ADCY3: variants seen among roughly 807,000 people sequenced by gnomAD.
The protein encoded by ADCY3 is adenylate cyclase 3, also known as adenylate cyclase type 3.
A neutral mutation model predicts 119.4 loss-of-function variants in ADCY3; 70 were observed. That is an observed-to-expected ratio of 0.59 (90% CI 0.48 to 0.72). ADCY3 has a LOEUF of 0.72. Ranked by LOEUF, ADCY3 falls within the 30% of genes least tolerant of loss-of-function variation. The pLI is 0.00. For missense variants in ADCY3, 1,238 were observed against 1,541.6 expected (o/e 0.80, Z 3.30); for synonymous variants, 672 against 621.4 (o/e 1.08, Z -1.21).
intron 11 of ADCY3, among the ~76,000 whole-genome samples, chr2:24,833,748 C>A (rs1449609301): frequency 5.9e-5 from 9 of 152,216 alleles, no homozygotes; most frequent in Non-Finnish European, 1.2e-4. Context: ...TCACCACAGT[C>A]GTGAGTGTCC....
At chr2:24,903,589 G>A (rs1191512358) in intron 2 of ADCY3, among the ~76,000 whole-genome samples, 1 of 152,142 alleles carries the variant, frequency 6.6e-6, no homozygotes, top group Non-Finnish European at 1.5e-5. Flanking sequence ...GTGACATAAT[G>A]AGATAAAAAG....
In ADCY3 at chr2:24,820,817, G is replaced by A. The variant is rs907824331; in HGVS notation, c.3159C>T (p.Val1053=). ...CGTAGTGTGGTTTCCGGGCTCCGAT[G>A]ACCCCAGCCAGAACCCCGCCTTTGT... ...GMNKGGVLAG[V]IGARKPHYDI... The change falls in exon 21 of 22, where the codon GTC becomes GTT. Residue 1053 remains valine, a synonymous_variant. Coordinates refer to ENST00000679454, the MANE Select transcript of ADCY3 (RefSeq NM_004036.5). 2 of 1,614,080 alleles carry A rather than the reference G, an allele frequency of 1.2e-6. No individual in the cohort carries two copies. The highest frequency in any genetic ancestry group is 1.7e-6 in the Non-Finnish European group (2 of 1,180,010).
intron 3 of ADCY3, among the ~76,000 whole-genome samples, chr2:24,860,042 C>T (rs1001585488): frequency 4.6e-5 from 7 of 152,174 alleles, no homozygotes; most frequent in African/African-American, 1.4e-4. Flanking sequence ...ACACAGGACG[C>T]GTGTGAAGGA....
At chr2:24,865,318 G>C (rs960548503) in intron 3 of ADCY3, among the ~76,000 whole-genome samples, 3 of 152,118 alleles carry the variant, frequency 2.0e-5, no homozygotes, top group Non-Finnish European at 2.9e-5. Context: ...GGTGGTGCAT[G>C]CCTATAGTCC....
rs1664812585 is a variant in ADCY3 at position 24,919,102 on chromosome 2, C to T, written c.-115G>A. 8 of 1,185,686 alleles carry T rather than the reference C, an allele frequency of 6.7e-6. No individual in the cohort carries two copies. In the South Asian group the frequency reaches 1.3e-4, roughly 19 times the overall value. The allele number at this position is 1,185,686 out of a possible 1,614,324, so 73.4% of individuals were successfully genotyped here. On this transcript the variant is annotated 5_prime_UTR_variant, in exon 2 of 22. Coordinates refer to ENST00000679454, the MANE Select transcript of ADCY3 (RefSeq NM_004036.5). This position sits in a 1 kb window ranked among gnomAD's most constrained non-coding sequence, Gnocchi z 5.5. ...ACCGGGGGAGGGCTGAGGGCCTCTT[C>T]TTGTCTGGGGCGGAGGGGAGGCCAC...
chr2:24,821,019 T>A (rs1488948022), intron 20 of ADCY3, 171 bp from the exon 21 acceptor site: 14 of 943,588 alleles, frequency 1.5e-5, no homozygotes, highest in Non-Finnish European at 2.0e-5. Flanking sequence ...CTCCTGTTTA[T>A]CCGTGTGCTT....
chr2:24,881,251 C>CATCCG lies in ADCY3; in HGVS notation c.676-8533_676-8532insCGGAT, dbSNP rs144061085. On this transcript the variant is annotated intron_variant, in intron 2 of 21. Transcript: ENST00000679454. ...CCAAGCTGCAGCTTAGAGCCAAAGC[C>CATCCG]ATCCCAGCCCAGATCAGCCCCACCC... Among the ~76,000 whole-genome samples the CATCCG allele has an allele frequency of 5.2e-5, 5 of 95,888 alleles. No homozygotes were observed. The East Asian group carries it at 1.1e-3, about 20-fold the overall frequency. 62.9% of individuals were successfully genotyped at this position (95,888 alleles called of 152,430 possible). A position where few individuals can be genotyped will look rare whatever the true frequency, so the allele number is the denominator to read the frequency against.
At chr2:24,861,966 T>C (rs1385268747) in intron 3 of ADCY3, among the ~76,000 whole-genome samples, 2 of 152,194 alleles carry the variant, frequency 1.3e-5, no homozygotes, top group African/African-American at 4.8e-5. Flanking sequence ...TTTAATCCCA[T>C]TTTCAGAAAA....
intron 19 of ADCY3, 129 bp downstream of exon 19, chr2:24,822,382 G>A (rs906943821): frequency 5.6e-6 from 7 of 1,253,386 alleles, no homozygotes; most frequent in African/African-American, 3.0e-5. Context: ...TTATATTTAC[G>A]TGGTGCTGGT....
chr2:24,884,890 C>T (rs11686663), intron 2 of ADCY3, among the ~76,000 whole-genome samples: 75,013 of 152,004 alleles, frequency 0.49, 20,328 homozygotes, highest in African/African-American at 0.73. Context: ...CAAAGCTCCA[C>T]CCACGGCGGT....
chr2:24,843,098 C>T (rs181987836), intron 3 of ADCY3, among the ~76,000 whole-genome samples: 37 of 152,340 alleles, frequency 2.4e-4, no homozygotes, highest in African/African-American at 7.5e-4. Flanking sequence ...TGTACACAAA[C>T]GCACAGACAC....
rs1343246692 is a variant in ADCY3, at chr2:24,842,513, G to C, written c.826-129C>G. 1 of 1,234,930 alleles carries C rather than the reference G, an allele frequency of 8.1e-7. No homozygotes were observed. Among genetic ancestry groups the C allele is most frequent in the Non-Finnish European group, 1.1e-6 (1 of 889,642 alleles). The allele number at this position is 1,234,930 out of a possible 1,614,324, so 76.5% of individuals were successfully genotyped here. On this transcript the variant is annotated intron_variant, in intron 3 of 21. Transcript: ENST00000679454. The surrounding 1 kb of genome is among the most constrained non-coding windows in gnomAD (Gnocchi z 4.9). ...AGGGAACCATGCTGCCCTCCAGAGA[G>C]ACCTCACAGATCTGCCTCGGGAGCA...
intron 2 of ADCY3, among the ~76,000 whole-genome samples, chr2:24,917,772 T>A (rs938972372): frequency 1.3e-5 from 2 of 152,072 alleles, no homozygotes; most frequent in African/African-American, 4.8e-5. Context: ...AGGCAGGAAA[T>A]ATGACAACTG....
At chr2:24,821,902 A>G in intron 19 of ADCY3, 1 of 418,996 alleles carries the variant, frequency 2.4e-6, no homozygotes, top group Admixed American at 4.0e-5. Flanking sequence ...GGACCCCTTC[A>G]CCTTGGCTGG....
chr2:24,913,704 G>T (rs1214455595), intron 2 of ADCY3, among the ~76,000 whole-genome samples: 1 of 152,184 alleles, frequency 6.6e-6, no homozygotes, highest in South Asian at 2.1e-4. Flanking sequence ...CCCTCCCTAC[G>T]GCAGCTCCCT....
chr2:24,826,718 G>C (rs1668670587), intron 15 of ADCY3: 1 of 151,152 alleles, frequency 6.6e-6, no homozygotes, highest in South Asian at 2.1e-4. Flanking sequence ...TGGGACATGA[G>C]TATGTGCATG....
chr2:24,865,487 A>ATC (rs1212442986), intron 3 of ADCY3, among the ~76,000 whole-genome samples: 293 of 101,790 alleles, frequency 2.9e-3, no homozygotes, highest in African/African-American at 0.012. Flanking sequence ...ATAGGCTATC[A>ATC]TCTGTGTGTG....
chr2:24,900,352 A>T (rs1301295117), intron 2 of ADCY3, among the ~76,000 whole-genome samples: 4 of 139,522 alleles, frequency 2.9e-5, no homozygotes, highest in Admixed American at 7.0e-5. Flanking sequence ...CTCAAAAAAA[A>T]AAAAAATAAA....
At chr2:24,832,926 A>T (rs1011694267) in intron 11 of ADCY3, among the ~76,000 whole-genome samples, 1 of 152,226 alleles carries the variant, frequency 6.6e-6, no homozygotes, top group Non-Finnish European at 1.5e-5. Flanking sequence ...TGCTCAGATC[A>T]GAAGCCCAGG....
Sources: allele counts gnomAD v4.1 joint callset (sites outside exome capture counted in the v4.1 genomes callset), GRCh38; gene constraint gnomAD v4.1.1; non-coding constraint Gnocchi (gnomAD v3.1); transcripts MANE v1.5; gene names NCBI Gene and HGNC (gene_info 2026-07-23, HGNC 2026-07-21).